Variants in MOGAT2 observed in about 807,000 individuals in gnomAD.
The protein encoded by MOGAT2 is monoacylglycerol O-acyltransferase 2.
A neutral mutation model predicts 31.5 loss-of-function variants in MOGAT2; 27 were observed. The ratio of observed to expected loss-of-function variants is 0.86; its 90% confidence interval spans 0.63 to 1.18. The LOEUF (loss-of-function observed/expected upper bound fraction) is 1.18. Ranked by LOEUF, MOGAT2 falls within the 50% of genes most tolerant of loss-of-function variation. The pLI, the probability that MOGAT2 is intolerant of heterozygous loss-of-function variation, is 0.00. For synonymous variants in MOGAT2, 163 were observed against 170.0 expected (o/e 0.96, Z 0.32); for missense variants, 436 against 433.2 (o/e 1.01, Z -0.06).
chr11:75,719,904 C>T, intron 1 of MOGAT2, 88 bp from the exon 2 acceptor site: 3 of 1,340,008 alleles, frequency 2.2e-6, no homozygotes, highest in Non-Finnish European at 2.1e-6. Flanking sequence ...CTGCTAGTGC[C>T]AGGCCTATGG....
rs1944447628 is a variant in MOGAT2 at position 75,728,925 on chromosome 11, T to A, written c.786T>A (p.His262Gln). 1 of 1,614,206 alleles carries A rather than the reference T, an allele frequency of 6.2e-7. No homozygotes were observed. Among genetic ancestry groups the A allele is most frequent in the Non-Finnish European group, 8.5e-7 (1 of 1,180,042 alleles). ...KIMGISLPLF[H>Q]GRGVFQYSFG... ...TGGGCATCTCCCTCCCACTCTTTCA[T>A]GGCCGTGGTGTCTTCCAGTACAGCT... The change falls in exon 5 of 6, where the codon CAT becomes CAA. Residue 262 changes from histidine to glutamine, a missense_variant. Physicochemically the swap from His to Gln is conservative, Grantham distance 24. Coordinates refer to ENST00000198801, the MANE Select transcript of MOGAT2 (RefSeq NM_025098.4).
intron 2 of MOGAT2, among the ~76,000 whole-genome samples, chr11:75,720,526 G>A (rs988813066): frequency 2.6e-5 from 4 of 152,154 alleles, no homozygotes; most frequent in Non-Finnish European, 4.4e-5. Flanking sequence ...AGGTTCTAAG[G>A]ACCATCTAGC....
rs542149062 is a variant in MOGAT2 at position 75,728,885 on chromosome 11, G to A, written c.746G>A (p.Arg249Gln). Residue 249 changes from arginine (R) to glutamine (Q), a missense_variant, in exon 5 of 6, where the codon CGG becomes CAG. Transcript: ENST00000198801. ...TCCTGGTTACGCTATATCCAGAATCGGTTGCAGAAGATCATGGGCATCTCC... is the reference window on the plus strand; with the variant it reads ...TCCTGGTTACGCTATATCCAGAATCAGTTGCAGAAGATCATGGGCATCTCC... Reference protein sequence around the residue: ...SGSWLRYIQNRLQKIMGISLP... With the variant: ...SGSWLRYIQNQLQKIMGISLP... 43 of 1,614,150 alleles carry A rather than the reference G, an allele frequency of 2.7e-5. No individual in the cohort carries two copies. Among genetic ancestry groups the A allele is most frequent in the South Asian group, 1.9e-4 (17 of 91,074 alleles).
intron 2 of MOGAT2, among the ~76,000 whole-genome samples, chr11:75,721,431 G>A (rs974027181): frequency 1.1e-4 from 17 of 151,910 alleles, no homozygotes; most frequent in Admixed American, 4.6e-4. Context: ...TACAGGTGCC[G>A]GCCACCACAC....
chr11:75,727,607 C>G lies in MOGAT2; in HGVS notation c.443C>G (p.Ala148Gly), dbSNP rs990194987. 3.1e-6 allele frequency: 5 copies of G among 1,614,004 alleles called. No individual in the cohort carries two copies. In the African/African-American group the frequency reaches 6.7e-5, roughly 22 times the overall value. The change falls in exon 3 of 6, where the codon GCC (alanine) becomes GGC (glycine). Residue 148 changes from alanine to glycine, a missense_variant. Ala to Gly is a moderately conservative substitution (Grantham distance 60, BLOSUM62 0). Transcript: ENST00000198801. ...HLMMLTLWFR[A>G]PFFRDYIMSA... ...ATGATGCTGACCTTGTGGTTCCGGG[C>G]CCCCTTCTTCAGAGATTACATCATG...
intron 2 of MOGAT2, among the ~76,000 whole-genome samples, chr11:75,723,229 G>C (rs1205661562): frequency 6.6e-6 from 1 of 152,020 alleles, no homozygotes; most frequent in East Asian, 1.9e-4. Flanking sequence ...GGGATTACAG[G>C]TGTCAGACAC....
chr11:75,727,922 GC>G, intron 3 of MOGAT2, 47 bp from the exon 4 acceptor site: 1 of 1,524,490 alleles, frequency 6.6e-7, no homozygotes, highest in Non-Finnish European at 8.8e-7. Flanking sequence ...TACTTTCATA[GC>G]CCCTGCTCCC....
intron 2 of MOGAT2, 66 bp from the exon 3 acceptor site, chr11:75,727,369 G>A: frequency 6.6e-7 from 1 of 1,505,120 alleles, no homozygotes; most frequent in Non-Finnish European, 9.1e-7. Context: ...GGTCACACCA[G>A]TGAGTGGCAG....
At chr11:75,724,936 G>A (rs1315593272) in intron 2 of MOGAT2, among the ~76,000 whole-genome samples, 1 of 152,134 alleles carries the variant, frequency 6.6e-6, no homozygotes, top group Admixed American at 6.6e-5. Flanking sequence ...GTGACACAAC[G>A]GTCCATTGTG....
intron 4 of MOGAT2, 81 bp downstream of exon 4, chr11:75,728,225 C>A: frequency 7.1e-7 from 1 of 1,401,824 alleles, no homozygotes; most frequent in Non-Finnish European, 9.9e-7. Flanking sequence ...ATGGCAGAGA[C>A]GAATGCAGAT....
chr11:75,720,173 G>A lies in MOGAT2; in HGVS notation c.270+3G>A. On this transcript the variant is annotated splice_donor_region_variant and intron_variant, in intron 2 of 5. Transcript: ENST00000198801. The stretch of plus-strand genomic sequence containing the variant: ...TGAAGGACTATTTCCCCATCTCGGT[G>A]AGTATTGAGGCTGGTTGGGGTTGGG... 1 of 1,610,766 alleles carries A rather than the reference G, an allele frequency of 6.2e-7. No homozygotes were observed. The highest frequency in any genetic ancestry group is 8.5e-7 in the Non-Finnish European group (1 of 1,178,006).
chr11:75,728,362 A>G (rs1304161805), intron 4 of MOGAT2: 1 of 683,394 alleles, frequency 1.5e-6, no homozygotes, highest in Admixed American at 2.1e-5. Flanking sequence ...GGCAATGAAC[A>G]TATTCCACAA....
chr11:75,718,966 TTC>T (rs149754751), intron 1 of MOGAT2, among the ~76,000 whole-genome samples: 4 of 147,044 alleles, frequency 2.7e-5, no homozygotes, highest in Non-Finnish European at 4.5e-5. Context: ...CCATCTCTCT[TTC>T]TCTCTCTCTC....
At chr11:75,726,696 A>ATTTT (rs1186269725) in intron 2 of MOGAT2, among the ~76,000 whole-genome samples, 4 of 123,182 alleles carry the variant, frequency 3.2e-5, no homozygotes, top group African/African-American at 6.3e-5. Context: ...AGGAACATTG[A>ATTTT]TTTTTTTTTT....
In MOGAT2 at chr11:75,717,925, C is replaced by A; in HGVS notation, c.37C>A (p.Arg13Ser). 3 of 1,614,196 alleles carry A rather than the reference C, an allele frequency of 1.9e-6. No individual in the cohort carries two copies. Among genetic ancestry groups the A allele is most frequent in the Non-Finnish European group, 2.5e-6 (3 of 1,180,028 alleles). The change falls in exon 1 of 6, where the codon CGC becomes AGC. Residue 13 changes from arginine to serine, a missense_variant. Physicochemically the swap from Arg to Ser is moderately radical, Grantham distance 110 (BLOSUM62 -1). Transcript: ENST00000198801. ...EFAPLFMPWE[R>S]RLQTLAVLQF... ...CGCGCCCTTGTTTATGCCGTGGGAG[C>A]GCAGGCTGCAGACACTTGCTGTCCT...
chr11:75,732,259 G>A lies in MOGAT2; in HGVS notation c.*973G>A, dbSNP rs1944489332. ...ATTGCTGGTCAAGGGGCACGAACAG[G>A]TCTGGTGACCCTGCAAGGGAGGAGC... On this transcript the variant is annotated 3_prime_UTR_variant, in exon 6 of 6. Transcript: ENST00000198801. 1 of 152,346 alleles carries A rather than the reference G, an allele frequency of 6.6e-6. No homozygotes were observed. The highest frequency in any genetic ancestry group is 2.1e-4 in the South Asian group (1 of 4,832). The allele number at this position is 152,346 out of a possible 1,614,324, so 9.4% of individuals were successfully genotyped here. A position where few individuals can be genotyped will look rare whatever the true frequency, so the allele number is the denominator to read the frequency against.
rs138988153 is a variant in MOGAT2, at chr11:75,727,951, C to T, written c.476-19C>T. 5.6e-5 allele frequency: 89 copies of T among 1,586,476 alleles called. No individual in the cohort carries two copies. The African/African-American group carries it at 9.2e-4, about 16-fold the overall frequency. On this transcript the variant is annotated intron_variant, in intron 3 of 5. Coordinates refer to ENST00000198801, the MANE Select transcript of MOGAT2 (RefSeq NM_025098.4). Reference sequence around the variant, plus strand: ...CTGCTCCCTCACCCCATACCTGACCCACTTTTCTCTTTCCCTAGGGTTGGT... The same window carrying T: ...CTGCTCCCTCACCCCATACCTGACCTACTTTTCTCTTTCCCTAGGGTTGGT...
rs1379358166 is a variant in MOGAT2, at chr11:75,731,215, C to A, written c.934C>A (p.Leu312Met). Reference sequence around the variant, plus strand: ...GCTGCACCAGCGTTATATCAAAGAGCTGTGCAACCTCTTCGAGGCCCACAA... The same window carrying A: ...GCTGCACCAGCGTTATATCAAAGAGATGTGCAACCTCTTCGAGGCCCACAA... ...NQLHQRYIKELCNLFEAHKLK... is the reference protein window; with the variant it reads ...NQLHQRYIKEMCNLFEAHKLK... The change falls in exon 6 of 6, where the codon CTG (leucine) becomes ATG (methionine). Residue 312 changes from leucine (L) to methionine (M), a missense_variant. Leu to Met is a conservative substitution (Grantham distance 15). Transcript: ENST00000198801. The A allele has an allele frequency of 6.2e-7, 1 of 1,614,160 alleles. No individual in the cohort carries two copies. Among genetic ancestry groups the A allele is most frequent in the South Asian group, 1.1e-5 (1 of 91,086 alleles).
chr11:75,726,769 G>A (rs1397440715), intron 2 of MOGAT2, among the ~76,000 whole-genome samples: 1 of 149,718 alleles, frequency 6.7e-6, no homozygotes, highest in Non-Finnish European at 1.5e-5. Flanking sequence ...TGTGATCTCG[G>A]CTCACTGCAA....
Sources: gnomAD v4.1 joint callset for allele counts (sites outside exome capture counted in the v4.1 genomes callset) on GRCh38, gnomAD v4.1.1 for gene constraint, MANE v1.5 for transcripts, NCBI Gene and HGNC (gene_info 2026-07-23, HGNC 2026-07-21) for gene names.